Variants in ICA1L observed in about 807,000 individuals in gnomAD.
ICA1L encodes islet cell autoantigen 1-like protein.
In ICA1L, 50 loss-of-function variants were observed where a neutral mutation model predicts 61.3. The observed-to-expected ratio is 0.82, with a 90% CI of 0.65 to 1.03. ICA1L has a LOEUF of 1.03. Ranked by LOEUF, ICA1L falls within the 50% of genes least tolerant of loss-of-function variation. The pLI, the probability that ICA1L is intolerant of heterozygous loss-of-function variation, is 0.00. For synonymous variants in ICA1L, 161 were observed against 191.3 expected (o/e 0.84, Z 1.31); for missense variants, 508 against 556.7 (o/e 0.91, Z 0.88).
rs148786677 is a variant in ICA1L at position 202,865,690 on chromosome 2, C to A, written c.-8+5929G>T. Among the ~76,000 whole-genome samples the A allele has an allele frequency of 5.4e-3, 824 of 152,234 alleles. 10 individuals carry two copies. The highest frequency in any genetic ancestry group is 0.019 in the African/African-American group (777 of 41,542). On this transcript the variant is annotated intron_variant, in intron 1 of 12. Coordinates refer to ENST00000358299, the MANE Select transcript of ICA1L (RefSeq NM_001288622.3). ...AGAATCTTTTAAAAATCTACTAGAT[C>A]TAATGCAACAGATCTGAGCAAATTC...
Position 202,829,031 on chromosome 2 carries a change from C to T in ICA1L, c.-7-15G>A, listed in dbSNP as rs1693934914. 2.6e-6 allele frequency: 4 copies of T among 1,518,882 alleles called. No individual in the cohort carries two copies. Among genetic ancestry groups the T allele is most frequent in the Non-Finnish European group, 3.5e-6 (4 of 1,138,540 alleles). 94.1% of individuals were successfully genotyped at this position (1,518,882 alleles called of 1,614,324 possible). Reference sequence around the variant, plus strand: ...CCATGGAGTGACTACAATGAACAGACTAAAATTAAACTTCTTTTAAAAATT... The same window carrying T: ...CCATGGAGTGACTACAATGAACAGATTAAAATTAAACTTCTTTTAAAAATT... On this transcript the variant is annotated splice_polypyrimidine_tract_variant and intron_variant, in intron 1 of 12. Transcript: ENST00000358299.
chr2:202,835,097 G>A (rs936026469), intron 1 of ICA1L, among the ~76,000 whole-genome samples: 7 of 151,392 alleles, frequency 4.6e-5, no homozygotes, highest in African/African-American at 2.4e-5. Context: ...TATTTATGAT[G>A]TATGACATAA....
chr2:202,774,025 C>T lies in ICA1L; in HGVS notation c.*5508G>A. 1.2e-6 allele frequency: 1 copy of T among 869,442 alleles called. No individual in the cohort carries two copies. Among genetic ancestry groups the T allele is most frequent in the South Asian group, 1.7e-5 (1 of 59,762 alleles). 53.9% of individuals were successfully genotyped at this position (869,442 alleles called of 1,614,324 possible). On this transcript the variant is annotated 3_prime_UTR_variant, in exon 13 of 13. Coordinates refer to ENST00000358299, the MANE Select transcript of ICA1L (RefSeq NM_001288622.3). ...CTGTTTTATTTTTTTAAATTATGAA[C>T]TAGCGCTGCTCCACTTCTTGCTTCT...
At chr2:202,825,378 G>T (rs965329833) in intron 3 of ICA1L, 1 of 263,184 alleles carries the variant, frequency 3.8e-6, no homozygotes, top group Non-Finnish European at 6.6e-6. Context: ...GCTGAGGTGG[G>T]AGGATCACTT....
chr2:202,808,564 G>C (rs1693290512), intron 9 of ICA1L, among the ~76,000 whole-genome samples: 1 of 152,100 alleles, frequency 6.6e-6, no homozygotes, highest in Admixed American at 6.5e-5. Flanking sequence ...AGCCAGGCTG[G>C]ATTTGTTTCC....
chr2:202,828,697 G>T, intron 2 of ICA1L, 151 bp downstream of exon 2: 1 of 679,870 alleles, frequency 1.5e-6, no homozygotes, highest in Non-Finnish European at 2.4e-6. Flanking sequence ...CCTATTCAGA[G>T]CTCTGATTGA....
intron 1 of ICA1L, among the ~76,000 whole-genome samples, chr2:202,856,475 A>T (rs1229434866): frequency 6.6e-6 from 1 of 152,184 alleles, no homozygotes; most frequent in Non-Finnish European, 1.5e-5. Context: ...TTGATGGAAC[A>T]TATCTCAAAA....
chr2:202,789,420 A>G (rs1320276923), intron 10 of ICA1L, among the ~76,000 whole-genome samples: 7 of 152,236 alleles, frequency 4.6e-5, no homozygotes, highest in Admixed American at 4.6e-4. Context: ...TGACTAAAAA[A>G]CAGGCCAAGA....
intron 9 of ICA1L, among the ~76,000 whole-genome samples, chr2:202,807,438 G>A (rs1022448682): frequency 2.0e-5 from 3 of 152,198 alleles, no homozygotes; most frequent in South Asian, 2.1e-4. Flanking sequence ...CAGCCAGAGG[G>A]GAACCACCCA....
chr2:202,837,194 G>A (rs1694177629), intron 1 of ICA1L, among the ~76,000 whole-genome samples: 1 of 151,730 alleles, frequency 6.6e-6, no homozygotes, highest in Admixed American at 6.6e-5. Context: ...TGTGGTATCA[G>A]CTGTAATGTC....
intron 1 of ICA1L, among the ~76,000 whole-genome samples, chr2:202,857,873 T>G (rs1303189368): frequency 6.6e-6 from 1 of 152,118 alleles, no homozygotes; most frequent in Non-Finnish European, 1.5e-5. Context: ...GAAAAAAAAC[T>G]CATCATCACT....
At chr2:202,859,704 T>G (rs1259180195) in intron 1 of ICA1L, among the ~76,000 whole-genome samples, 1 of 152,170 alleles carries the variant, frequency 6.6e-6, no homozygotes, top group Admixed American at 6.5e-5. Context: ...TTAATAATTT[T>G]TCAAAAAGGA....
chr2:202,797,132 T>TTGTGTGTGTGTGTG (rs58006631), intron 9 of ICA1L, among the ~76,000 whole-genome samples, 168 bp from the exon 10 acceptor site: 34,937 of 147,374 alleles, frequency 0.24, 4,507 homozygotes, highest in Middle Eastern at 0.37. Flanking sequence ...AAAATCACAT[T>TTGTGTGTGTGTGTG]TGTGTGTGTG....
intron 1 of ICA1L, among the ~76,000 whole-genome samples, chr2:202,843,955 C>G (rs192966390): frequency 7.8e-4 from 119 of 152,306 alleles, no homozygotes; most frequent in African/African-American, 2.7e-3. Flanking sequence ...CCTACCTTAT[C>G]AGAAGCAATG....
At position 202,847,703 on chromosome 2, in the gene ICA1L, A is replaced by ATATATATATATATATATG. The variant is rs11274512; in HGVS notation, c.-7-18688_-7-18687insCATATATATATATATATA. On this transcript the variant is annotated intron_variant, in intron 1 of 12. Coordinates refer to ENST00000358299, the MANE Select transcript of ICA1L (RefSeq NM_001288622.3). The stretch of plus-strand genomic sequence containing the variant: ...GAAATATTATATGGGAATTATATAT[A>ATATATATATATATATATG]TATATAGTTAAGCAGTGAGAACAAA... 1.1e-4 allele frequency among the ~76,000 whole-genome samples: 14 copies of ATATATATATATATATATG among 131,230 alleles called. 1 individual carries two copies. Among genetic ancestry groups the ATATATATATATATATATG allele is most frequent in the South Asian group, 2.3e-4 (1 of 4,444 alleles). 86.1% of individuals were successfully genotyped at this position (131,230 alleles called of 152,430 possible).
chr2:202,819,282 G>A (rs1310492343), intron 5 of ICA1L, among the ~76,000 whole-genome samples: 3 of 152,128 alleles, frequency 2.0e-5, no homozygotes, highest in South Asian at 2.1e-4. Flanking sequence ...GGAAGTCTGT[G>A]GCCAAACTTT....
intron 9 of ICA1L, among the ~76,000 whole-genome samples, chr2:202,802,164 A>C (rs183486793): frequency 3.3e-5 from 5 of 152,368 alleles, no homozygotes; most frequent in Non-Finnish European, 7.3e-5. Context: ...TAAAAAGTAT[A>C]GTTGTTGGGG....
At chr2:202,783,027 G>C (rs1692460460) in intron 12 of ICA1L, among the ~76,000 whole-genome samples, 1 of 152,114 alleles carries the variant, frequency 6.6e-6, no homozygotes, top group Non-Finnish European at 1.5e-5. Flanking sequence ...TGACCTCAAA[G>C]TACTGGGAAG....
intron 1 of ICA1L, among the ~76,000 whole-genome samples, chr2:202,867,479 T>C (rs1687549490): frequency 6.6e-6 from 1 of 152,192 alleles, no homozygotes; most frequent in African/African-American, 2.4e-5. Flanking sequence ...TATTTGTGTA[T>C]CTAAACATGT....
Sources: allele counts gnomAD v4.1 joint callset (sites outside exome capture counted in the v4.1 genomes callset), GRCh38; gene constraint gnomAD v4.1.1; transcripts MANE v1.5; gene names NCBI Gene and HGNC (gene_info 2026-07-23, HGNC 2026-07-21).